The following CPQ variants were observed in gnomAD, a reference collection of about 807,000 sequenced individuals.
The protein encoded by CPQ is carboxypeptidase Q.
CPQ carries 37 observed loss-of-function variants against 45.7 expected under a neutral mutation model. The ratio of observed to expected loss-of-function variants is 0.81; its 90% CI spans 0.62 to 1.07. The LOEUF (loss-of-function observed/expected upper bound fraction) is 1.07, where lower values mean the gene tolerates loss of function less well. Among genes scored for constraint, CPQ ranks in the 50% least tolerant of loss-of-function variants. The probability of loss-of-function intolerance (pLI) is 0.00; values close to 1 mark genes in which losing one functional copy is unlikely to be tolerated. For missense variants in CPQ, 537 were observed against 572.9 expected (o/e 0.94, Z 0.64); for synonymous variants, 186 against 205.8 (o/e 0.90, Z 0.82).
At chr8:96,906,530 T>C (rs550611132) in intron 4 of CPQ, among the ~76,000 whole-genome samples, 2 of 152,292 alleles carry the variant, frequency 1.3e-5, no homozygotes, top group East Asian at 3.9e-4. Context: ...TTTGTGCTGC[T>C]ATAACAAAAT....
intron 1 of CPQ, among the ~76,000 whole-genome samples, chr8:96,751,128 T>A (rs560607159): frequency 7.9e-5 from 12 of 152,362 alleles, no homozygotes; most frequent in African/African-American, 2.9e-4. Flanking sequence ...ATGGAATGAT[T>A]TATATTCCTT....
chr8:97,104,937 T>G (rs1811378651), intron 7 of CPQ, among the ~76,000 whole-genome samples: 1 of 152,184 alleles, frequency 6.6e-6, no homozygotes, highest in South Asian at 2.1e-4. Flanking sequence ...TCACTGAGAG[T>G]CTTTTCCTAA....
intron 6 of CPQ, among the ~76,000 whole-genome samples, chr8:97,065,176 T>C (rs1810616374): frequency 6.6e-6 from 1 of 152,036 alleles, no homozygotes; most frequent in African/African-American, 2.4e-5. Context: ...GGTTGGCTCC[T>C]GGGAAACAGA....
In CPQ at chr8:96,865,332, G is replaced by A. The variant is rs1586430947; in HGVS notation, c.642-14466G>A. On this transcript the variant is annotated intron_variant, in intron 3 of 7. Transcript: ENST00000220763. Reference sequence around the variant, plus strand: ...GTGAGTCTGTCTGGAGTAGAGAGGCGGGTGTTGAGATTAAACCACCACAGT... The same window carrying A: ...GTGAGTCTGTCTGGAGTAGAGAGGCAGGTGTTGAGATTAAACCACCACAGT... 2.6e-5 allele frequency among the ~76,000 whole-genome samples: 4 copies of A among 151,946 alleles called. No individual in the cohort carries two copies. The South Asian group carries it at 6.2e-4, about 24-fold the overall frequency.
chr8:96,774,672 C>G (rs906905834), intron 1 of CPQ, among the ~76,000 whole-genome samples: 23 of 152,090 alleles, frequency 1.5e-4, no homozygotes, highest in African/African-American at 5.6e-4. Flanking sequence ...AACTTATTGA[C>G]TAGGGTGGGG....
intron 6 of CPQ, among the ~76,000 whole-genome samples, chr8:97,034,479 T>C (rs1809962435): frequency 6.6e-6 from 1 of 152,228 alleles, no homozygotes; most frequent in African/African-American, 2.4e-5. Context: ...TGAGAATGAC[T>C]TATATGGACA....
At chr8:96,730,891 ATG>A (rs1229599348) in intron 1 of CPQ, among the ~76,000 whole-genome samples, 44 of 118,798 alleles carry the variant, frequency 3.7e-4, no homozygotes, top group Non-Finnish European at 7.5e-4. Context: ...ATATATATAT[ATG>A]CATTTTTTTT....
intron 3 of CPQ, among the ~76,000 whole-genome samples, chr8:96,836,535 A>G (rs1347394832): frequency 1.3e-5 from 2 of 152,162 alleles, no homozygotes; most frequent in East Asian, 3.9e-4. Flanking sequence ...CTTTTGGATG[A>G]TTAAGCTTCC....
At chr8:96,923,505 T>C (rs1204606876) in intron 4 of CPQ, among the ~76,000 whole-genome samples, 4 of 152,172 alleles carry the variant, frequency 2.6e-5, no homozygotes, top group African/African-American at 9.7e-5. Flanking sequence ...GGCTCCAGTC[T>C]CAATTCTCCT....
At chr8:97,126,553 G>A (rs1811850567) in intron 7 of CPQ, among the ~76,000 whole-genome samples, 1 of 152,112 alleles carries the variant, frequency 6.6e-6, no homozygotes, top group African/African-American at 2.4e-5. Context: ...GCTGCTAGAA[G>A]CAAGAAGTAA....
chr8:96,785,059 T>TGTTTA lies in CPQ; in HGVS notation c.163_167dup (p.Tyr56Ter), dbSNP rs543781934. On this transcript the variant is annotated frameshift_variant, in exon 2 of 8. Transcript: ENST00000220763. LOFTEE classifies it high-confidence loss of function. ...TTGCTAAAGCAATCATCAACCTAGCTGTTTATGGTAAAGCCCAGAACAGAT... is the reference window on the plus strand; with the variant it reads ...TTGCTAAAGCAATCATCAACCTAGCTGTTTAGTTTATGGTAAAGCCCAGAACAGAT... 93 of 1,613,906 alleles carry TGTTTA rather than the reference T, an allele frequency of 5.8e-5. No individual in the cohort carries two copies. In the East Asian group the frequency reaches 1.7e-3, roughly 29 times the overall value.
At chr8:96,742,595 A>T in intron 1 of CPQ, among the ~76,000 whole-genome samples, 1 of 151,590 alleles carries the variant, frequency 6.6e-6, no homozygotes, top group Non-Finnish European at 1.5e-5. Flanking sequence ...TTTTGGCATG[A>T]TTTTGCAGTG....
chr8:96,698,707 GA>G (rs1215299659), intron 1 of CPQ, among the ~76,000 whole-genome samples: 1 of 151,626 alleles, frequency 6.6e-6, no homozygotes, highest in Non-Finnish European at 1.5e-5. Flanking sequence ...TTTCTCAAAA[GA>G]AGGCAAACAA....
intron 1 of CPQ, among the ~76,000 whole-genome samples, chr8:96,651,072 T>C (rs1184003420): frequency 1.3e-5 from 2 of 152,212 alleles, no homozygotes; most frequent in Non-Finnish European, 2.9e-5. Flanking sequence ...AATATGAAGA[T>C]GGGGATCTGG....
At chr8:96,652,891 C>T (rs1010138022) in intron 1 of CPQ, among the ~76,000 whole-genome samples, 72 of 152,334 alleles carry the variant, frequency 4.7e-4, no homozygotes, top group African/African-American at 1.3e-3. Flanking sequence ...GCCTCAGCCT[C>T]CCAAAGTACT....
chr8:97,022,743 G>C (rs1347486412), intron 5 of CPQ, among the ~76,000 whole-genome samples: 1 of 151,842 alleles, frequency 6.6e-6, no homozygotes, highest in African/African-American at 2.4e-5. Flanking sequence ...ATGTTGGCAG[G>C]GATGCAGTGA....
chr8:96,917,507 T>C (rs1034450660), intron 4 of CPQ, among the ~76,000 whole-genome samples: 10 of 152,114 alleles, frequency 6.6e-5, no homozygotes, highest in Non-Finnish European at 5.9e-5. Context: ...GCTCTTGGCT[T>C]ATCTCTCATA....
chr8:96,675,632 C>T (rs546497663), intron 1 of CPQ, among the ~76,000 whole-genome samples: 1 of 152,114 alleles, frequency 6.6e-6, no homozygotes, highest in Admixed American at 6.6e-5. Flanking sequence ...GACTCTTCTC[C>T]ATAGAAATTG....
At chr8:96,694,858 C>A (rs970013837) in intron 1 of CPQ, among the ~76,000 whole-genome samples, 3 of 152,070 alleles carry the variant, frequency 2.0e-5, no homozygotes, top group Non-Finnish European at 4.4e-5. Context: ...TCTTAAAGAA[C>A]TAGAAAAGCA....
Sources: allele counts gnomAD v4.1 joint callset (sites outside exome capture counted in the v4.1 genomes callset), GRCh38; gene constraint gnomAD v4.1.1; transcripts MANE v1.5; gene names NCBI Gene and HGNC (gene_info 2026-07-23, HGNC 2026-07-21).